PKP2: variants seen among roughly 807,000 people sequenced by gnomAD.
PKP2 encodes the protein plakophilin 2, also known as plakophilin-2.
PKP2 carries 73 observed loss-of-function variants against 83.4 expected under a neutral mutation model. That is an observed-to-expected ratio of 0.88 (90% CI 0.72 to 1.06). The LOEUF (loss-of-function observed/expected upper bound fraction) is 1.06, where lower values mean the gene tolerates loss of function less well. Among genes scored for constraint, PKP2 ranks in the 50% least tolerant of loss-of-function variants. The pLI is 0.00. For synonymous variants in PKP2, 409 were observed against 430.4 expected, an observed-to-expected ratio of 0.95 and a Z score of 0.62; for missense variants, 966 against 1,065.4, an observed-to-expected ratio of 0.91 and a Z score of 1.30.
At chr12:32,821,650 T>A in intron 8 of PKP2, 121 bp from the exon 9 acceptor site, 1 of 908,456 alleles carries the variant, frequency 1.1e-6, no homozygotes. Flanking sequence ...TAAGAAGCCC[T>A]TGAAATAGAA....
chr12:32,826,401 CT>C (rs746548409), intron 6 of PKP2, among the ~76,000 whole-genome samples: 1 of 151,604 alleles, frequency 6.6e-6, no homozygotes, highest in Non-Finnish European at 1.5e-5. Context: ...AGGTTGAACT[CT>C]GGAAACTGAC....
At chr12:32,863,288 G>A (rs781385584) in intron 4 of PKP2, 9 of 265,792 alleles carry the variant, frequency 3.4e-5, no homozygotes, top group Non-Finnish European at 2.4e-5. Context: ...ACTCCTGGCA[G>A]CAAACCAAAC....
chr12:32,891,034 G>A (rs1957072067), intron 1 of PKP2, among the ~76,000 whole-genome samples: 1 of 151,776 alleles, frequency 6.6e-6, no homozygotes. Flanking sequence ...AGTTTGTTTA[G>A]TAGTCTTACT....
chr12:32,869,445 G>A (rs528392587), intron 3 of PKP2, among the ~76,000 whole-genome samples: 1 of 151,978 alleles, frequency 6.6e-6, no homozygotes, highest in Non-Finnish European at 1.5e-5. Context: ...AATTAGCTGG[G>A]TGTGGTGGTA....
At chr12:32,889,810 G>T (rs1233209439) in intron 1 of PKP2, among the ~76,000 whole-genome samples, 1 of 152,156 alleles carries the variant, frequency 6.6e-6, no homozygotes, top group East Asian at 1.9e-4. Context: ...GCCAGGTGCA[G>T]TGGCTCATGC....
At chr12:32,882,747 C>T (rs554804050) in intron 1 of PKP2, among the ~76,000 whole-genome samples, 51 of 152,220 alleles carry the variant, frequency 3.4e-4, no homozygotes, top group Non-Finnish European at 5.6e-4. Context: ...TTCTGTGATG[C>T]GGAGCCAGCT....
At chr12:32,851,076 C>T (rs1956693063) in intron 4 of PKP2, 103 bp from the exon 5 acceptor site, 1 of 906,790 alleles carries the variant, frequency 1.1e-6, no homozygotes, top group Admixed American at 2.0e-5. Context: ...TGACTATAAC[C>T]TTTCTTCATC....
intron 4 of PKP2, among the ~76,000 whole-genome samples, chr12:32,866,551 A>G (rs1956850588): frequency 1.2e-4 from 2 of 16,546 alleles, no homozygotes; most frequent in African/African-American, 2.5e-4. Flanking sequence ...ATCCTTTCTC[A>G]AAAAAAAAAA....
intron 11 of PKP2, among the ~76,000 whole-genome samples, chr12:32,794,286 G>A (rs1681786187): frequency 6.6e-6 from 1 of 152,158 alleles, no homozygotes; most frequent in African/African-American, 2.4e-5. Flanking sequence ...TAAATTGCAA[G>A]GCTGTTATAT....
intron 1 of PKP2, among the ~76,000 whole-genome samples, chr12:32,895,707 C>G (rs1002060933): frequency 6.6e-6 from 1 of 152,194 alleles, no homozygotes; most frequent in East Asian, 1.9e-4. Context: ...ATCTTCTTTC[C>G]CTTCCACCTC....
intron 6 of PKP2, among the ~76,000 whole-genome samples, chr12:32,837,338 G>GA (rs1956552730): frequency 6.6e-6 from 1 of 152,134 alleles, no homozygotes; most frequent in Non-Finnish European, 1.5e-5. Context: ...ATGACTTTAG[G>GA]AAAATCACTC....
At chr12:32,842,572 A>G (rs767649817) in intron 5 of PKP2, among the ~76,000 whole-genome samples, 11 of 151,778 alleles carry the variant, frequency 7.2e-5, no homozygotes, top group African/African-American at 1.2e-4. Context: ...AATGGGTTAC[A>G]CTAACTCACT....
chr12:32,840,354 A>T (rs1381324914), intron 6 of PKP2, among the ~76,000 whole-genome samples: 3 of 152,174 alleles, frequency 2.0e-5, no homozygotes, highest in African/African-American at 7.2e-5. Flanking sequence ...GCTAGAGTGC[A>T]GTGGTGCAAT....
Position 32,792,320 on chromosome 12 carries a change from G to T in PKP2, c.*104C>A, listed in dbSNP as rs1419133006. 3.6e-6 allele frequency: 3 copies of T among 828,132 alleles called. No homozygotes were observed. Among genetic ancestry groups the T allele is most frequent in the East Asian group, 4.9e-5 (2 of 40,468 alleles). The allele number at this position is 828,132 out of a possible 1,614,324, so 51.3% of individuals were successfully genotyped here. On this transcript the variant is annotated 3_prime_UTR_variant, in exon 13 of 13. Transcript: ENST00000340811. ...TTCAGGGGACCACGGAAATAGAGAA[G>T]GATAGAAACAAGGCATGCTTTTGAG...
chr12:32,857,549 G>T (rs1036111550), intron 4 of PKP2, among the ~76,000 whole-genome samples: 1 of 152,058 alleles, frequency 6.6e-6, no homozygotes, highest in Admixed American at 6.6e-5. Context: ...TTAAAATTTT[G>T]ATCTCTATGT....
chr12:32,793,066 C>A (rs1565571206), intron 11 of PKP2, among the ~76,000 whole-genome samples: 1 of 152,090 alleles, frequency 6.6e-6, no homozygotes, highest in South Asian at 2.1e-4. Context: ...CATGGTGAAA[C>A]CCCGTCTGTA....
intron 10 of PKP2, among the ~76,000 whole-genome samples, chr12:32,800,682 GTA>G (rs1956170744): frequency 6.6e-6 from 1 of 152,188 alleles, no homozygotes; most frequent in Non-Finnish European, 1.5e-5. Context: ...TTGTATTGCA[GTA>G]CTGCGCATGT....
In PKP2 at chr12:32,855,773, C is replaced by CAAAAAAAAAAAAA. The variant is rs11431590; in HGVS notation, c.1171-4813_1171-4801dup. 8.3e-4 allele frequency among the ~76,000 whole-genome samples: 39 copies of CAAAAAAAAAAAAA among 46,828 alleles called. 10 individuals are homozygous for CAAAAAAAAAAAAA. The highest frequency in any genetic ancestry group is 3.8e-3 in the African/African-American group (36 of 9,422). The allele number at this position is 46,828 out of a possible 152,430, so 30.7% of individuals were successfully genotyped here. ...CCTGGGCGACAGAGAGACTCCATCT[C>CAAAAAAAAAAAAA]AAAAAAAAAAAAAAAAAAAAAAGGA... On this transcript the variant is annotated intron_variant, in intron 4 of 12. Transcript: ENST00000340811.
At chr12:32,874,231 G>A (rs999301503) in intron 3 of PKP2, among the ~76,000 whole-genome samples, 22 of 152,268 alleles carry the variant, frequency 1.4e-4, no homozygotes, top group Admixed American at 1.4e-3. Flanking sequence ...CCAAAAAAGG[G>A]CTGGACAAAG....
Sources: allele counts gnomAD v4.1 joint callset (sites outside exome capture counted in the v4.1 genomes callset), GRCh38; gene constraint gnomAD v4.1.1; transcripts MANE v1.5; gene names NCBI Gene and HGNC (gene_info 2026-07-23, HGNC 2026-07-21).